Variants in TBC1D5 observed in about 807,000 individuals in gnomAD.
The protein encoded by TBC1D5 is TBC1 domain family member 5, also known as TBC1 domain family, member 5.
In TBC1D5, 75 loss-of-function variants were observed where a neutral mutation model predicts 100.3. The ratio of observed to expected loss-of-function variants is 0.75; its 90% confidence interval spans 0.62 to 0.91. The LOEUF (loss-of-function observed/expected upper bound fraction) is 0.91, where lower values mean the gene tolerates loss of function less well. Ranked by LOEUF, TBC1D5 falls within the 40% of genes least tolerant of loss-of-function variation. The pLI is 0.00. For missense variants in TBC1D5, 910 were observed against 942.4 expected (o/e 0.97, Z 0.45); for synonymous variants, 323 against 325.6 (o/e 0.99, Z 0.09).
chr3:17,297,185 C>T (rs2082334700), intron 14 of TBC1D5, among the ~76,000 whole-genome samples: 1 of 152,228 alleles, frequency 6.6e-6, no homozygotes, highest in African/African-American at 2.4e-5. Context: ...GTACTATGAA[C>T]TTTGAAGGAT....
At chr3:17,253,155 T>C (rs1426176006) in intron 16 of TBC1D5, among the ~76,000 whole-genome samples, 1 of 152,244 alleles carries the variant, frequency 6.6e-6, no homozygotes, top group African/African-American at 2.4e-5. Flanking sequence ...CTTAATTCTA[T>C]TTACTTCTAT....
intron 2 of TBC1D5, among the ~76,000 whole-genome samples, chr3:17,514,444 G>A (rs1252921939): frequency 6.6e-6 from 1 of 151,980 alleles, no homozygotes; most frequent in Admixed American, 6.6e-5. Context: ...TAACAAACAG[G>A]TATAAGACTA....
intron 3 of TBC1D5, among the ~76,000 whole-genome samples, chr3:17,494,462 G>A (rs533123972): frequency 2.0e-5 from 3 of 152,192 alleles, no homozygotes; most frequent in African/African-American, 7.2e-5. Context: ...TGTGCTGGGG[G>A]GAATCCTCCT....
chr3:17,630,503 C>T (rs1217775614), intron 1 of TBC1D5, among the ~76,000 whole-genome samples: 1 of 152,106 alleles, frequency 6.6e-6, no homozygotes, highest in East Asian at 1.9e-4. Context: ...ACAAACCACA[C>T]CCAATAAAGC....
intron 3 of TBC1D5, among the ~76,000 whole-genome samples, chr3:17,497,673 A>G (rs758826828): frequency 2.6e-4 from 39 of 152,220 alleles, no homozygotes; most frequent in Admixed American, 4.6e-4. Context: ...AATTTTCACT[A>G]AACACCAGTG....
chr3:17,319,931 G>C (rs567254707), intron 13 of TBC1D5, among the ~76,000 whole-genome samples: 1 of 152,062 alleles, frequency 6.6e-6, no homozygotes, highest in African/African-American at 2.4e-5. Flanking sequence ...AACAATGATT[G>C]CTAAAATGAA....
chr3:17,530,601 T>C (rs922997791), intron 2 of TBC1D5, among the ~76,000 whole-genome samples: 4 of 152,208 alleles, frequency 2.6e-5, no homozygotes, highest in East Asian at 1.9e-4. Flanking sequence ...TTTACTTGAA[T>C]AGTTATATTT....
At position 17,261,916 on chromosome 3, in the gene TBC1D5, C is replaced by G. The variant is rs1276021745; in HGVS notation, c.1246-3325G>C. 3.3e-5 allele frequency among the ~76,000 whole-genome samples: 5 copies of G among 151,236 alleles called. No homozygotes were observed. The East Asian group carries it at 9.7e-4, about 29-fold the overall frequency. On this transcript the variant is annotated intron_variant, in intron 15 of 21. Coordinates refer to ENST00000253692, the Ensembl canonical transcript of TBC1D5. Reference sequence around the variant, plus strand: ...TCTAACCTTTAAAGTTCTGGAATCTCCTCTAAAATATAAGAGCTACTAGAA... The same window carrying G: ...TCTAACCTTTAAAGTTCTGGAATCTGCTCTAAAATATAAGAGCTACTAGAA...
At chr3:17,495,254 T>C (rs759622813) in intron 3 of TBC1D5, among the ~76,000 whole-genome samples, 32 of 152,264 alleles carry the variant, frequency 2.1e-4, no homozygotes, top group Non-Finnish European at 3.7e-4. Context: ...ACTTAAATAT[T>C]TATTGCCTAA....
At chr3:17,195,210 G>A (rs1368234940) in intron 18 of TBC1D5, among the ~76,000 whole-genome samples, 1 of 152,190 alleles carries the variant, frequency 6.6e-6, no homozygotes, top group African/African-American at 2.4e-5. Context: ...CATCTTTTGG[G>A]CTTTTATGCT....
chr3:17,486,657 C>T (rs2095572495), intron 3 of TBC1D5, among the ~76,000 whole-genome samples: 1 of 152,094 alleles, frequency 6.6e-6, no homozygotes, highest in South Asian at 2.1e-4. Flanking sequence ...AAAACTTAAA[C>T]AGAGGAAAGA....
chr3:17,339,698 G>C (rs2088555418), intron 13 of TBC1D5, among the ~76,000 whole-genome samples: 1 of 152,124 alleles, frequency 6.6e-6, no homozygotes, highest in Non-Finnish European at 1.5e-5. Context: ...ATGCCATATA[G>C]CAAAAAATTT....
chr3:17,634,141 A>G (rs2063711223), intron 1 of TBC1D5, among the ~76,000 whole-genome samples: 1 of 152,178 alleles, frequency 6.6e-6, no homozygotes, highest in Non-Finnish European at 1.5e-5. Flanking sequence ...AATTAGTACA[A>G]CCATTATGGA....
chr3:17,461,602 G>C (rs2095211625), intron 3 of TBC1D5, among the ~76,000 whole-genome samples: 1 of 152,076 alleles, frequency 6.6e-6, no homozygotes, highest in South Asian at 2.1e-4. Flanking sequence ...TCAAGGGCTT[G>C]GAGTACTGTG....
At chr3:17,179,987 C>T (rs1424177157) in intron 19 of TBC1D5, among the ~76,000 whole-genome samples, 5 of 152,186 alleles carry the variant, frequency 3.3e-5, no homozygotes, top group Non-Finnish European at 2.9e-5. Context: ...AGGTTGCTCA[C>T]CCACGTGCAA....
intron 1 of TBC1D5, among the ~76,000 whole-genome samples, chr3:17,701,435 C>A (rs1036232220): frequency 1.3e-5 from 2 of 151,990 alleles, no homozygotes; most frequent in African/African-American, 4.8e-5. Flanking sequence ...TGTATCAAAC[C>A]TGCACATTCT....
intron 20 of TBC1D5, among the ~76,000 whole-genome samples, chr3:17,167,525 G>C (rs977355817): frequency 6.6e-6 from 1 of 152,222 alleles, no homozygotes; most frequent in Non-Finnish European, 1.5e-5. Flanking sequence ...TAAGAGGAAG[G>C]AGTGGTGTGG....
chr3:17,417,636 G>C (rs1214968586), intron 4 of TBC1D5, among the ~76,000 whole-genome samples: 2 of 152,090 alleles, frequency 1.3e-5, no homozygotes, highest in African/African-American at 2.4e-5. Flanking sequence ...ATTGTGAATA[G>C]TGCCGCAATA....
intron 3 of TBC1D5, among the ~76,000 whole-genome samples, chr3:17,433,029 CCCCA>C (rs36150923): frequency 0.49 from 74,758 of 151,764 alleles, 19,899 homozygotes; most frequent in African/African-American, 0.67. Flanking sequence ...CTTGCCCTTG[CCCCA>C]CCCACCCCAT....
Sources: allele counts gnomAD v4.1 joint callset (sites outside exome capture counted in the v4.1 genomes callset), GRCh38; gene constraint gnomAD v4.1.1; transcripts MANE v1.5; gene names NCBI Gene and HGNC (gene_info 2026-07-23, HGNC 2026-07-21).